The following AIDA variants were observed in gnomAD, a reference collection of about 807,000 sequenced individuals.
AIDA encodes axin interactor, dorsalization-associated protein.
AIDA carries 18 observed loss-of-function variants against 42.7 expected under a neutral mutation model. That is an observed-to-expected ratio of 0.42 (90% CI 0.29 to 0.63). The LOEUF (loss-of-function observed/expected upper bound fraction) is 0.63. Ranked by LOEUF, AIDA falls within the 20% of genes least tolerant of loss-of-function variation. The probability of loss-of-function intolerance (pLI) is 0.19; values close to 1 mark genes in which losing one functional copy is unlikely to be tolerated. For synonymous variants in AIDA, 104 were observed against 122.9 expected (o/e 0.85, Z 1.02); for missense variants, 250 against 354.1 (o/e 0.71, Z 2.36).
chr1:222,670,287 G>A (rs1271874714), intron 8 of AIDA, 37 bp from the exon 9 acceptor site: 1 of 1,517,154 alleles, frequency 6.6e-7, no homozygotes, highest in East Asian at 2.3e-5. Flanking sequence ...ACCACAGATA[G>A]CACATTTCTT....
chr1:222,687,280 A>C (rs1184621910), intron 5 of AIDA, among the ~76,000 whole-genome samples: 1 of 152,036 alleles, frequency 6.6e-6, no homozygotes, highest in Non-Finnish European at 1.5e-5. Flanking sequence ...AATACAAAAA[A>C]ATTAGCTGGG....
In AIDA at chr1:222,703,361, C is replaced by A. The variant is rs553614673; in HGVS notation, c.111-144G>T. The A allele has an allele frequency of 1.1e-4, 55 of 479,176 alleles. 1 individual carries two copies. The South Asian group carries it at 1.9e-3, about 16-fold the overall frequency. 29.7% of individuals were successfully genotyped at this position (479,176 alleles called of 1,614,324 possible). A position where few individuals can be genotyped will look rare whatever the true frequency, so the allele number is the denominator to read the frequency against. On this transcript the variant is annotated intron_variant, in intron 1 of 9. Transcript: ENST00000340020. ...AATCTACATTGAGAACCAAATTCTT[C>A]TCAAAAAAAAAAAAACTCTTTATAC...
At chr1:222,700,480 G>A (rs913448332) in intron 2 of AIDA, among the ~76,000 whole-genome samples, 5 of 152,084 alleles carry the variant, frequency 3.3e-5, no homozygotes, top group African/African-American at 9.7e-5. Context: ...GGGTCGGGCC[G>A]GGCGCGGTGG....
At position 222,687,032 on chromosome 1, in the gene AIDA, T is replaced by C. The variant is rs767389251; in HGVS notation, c.358A>G (p.Ile120Val). The C allele has an allele frequency of 1.8e-5, 29 of 1,612,984 alleles. No individual in the cohort carries two copies. The South Asian group carries it at 3.1e-4, about 17-fold the overall frequency. The change falls in exon 6 of 10, where the codon ATT (isoleucine) becomes GTT (valine). Residue 120 changes from isoleucine to valine, a missense_variant. Transcript: ENST00000340020. ...FDVQPVPLRR[I>V]LAPGEEENLE... The stretch of plus-strand genomic sequence containing the variant: ...TTCTCTTCTTCACCAGGTGCCAAAA[T>C]TCTTCTACACAAAAAAAGGGCAGAA...
intron 1 of AIDA, among the ~76,000 whole-genome samples, chr1:222,708,327 T>C (rs2124971616): frequency 6.7e-6 from 1 of 149,836 alleles, no homozygotes; most frequent in African/African-American, 2.5e-5. Context: ...AAATGACAAG[T>C]GGCCATTATC....
At chr1:222,689,526 CAT>C (rs1447031258) in intron 4 of AIDA, among the ~76,000 whole-genome samples, 1,150 of 73,866 alleles carry the variant, frequency 0.016, 51 homozygotes, top group African/African-American at 0.049. Context: ...TATATACACA[CAT>C]ACACACACAC....
At chr1:222,698,448 ATT>A (rs36041357) in intron 2 of AIDA, among the ~76,000 whole-genome samples, 110 of 127,340 alleles carry the variant, frequency 8.6e-4, no homozygotes, top group East Asian at 4.6e-3. Context: ...TTATTCATCA[ATT>A]TTTTTTTTTT....
intron 6 of AIDA, among the ~76,000 whole-genome samples, chr1:222,686,016 C>T (rs1655167235): frequency 2.0e-5 from 3 of 152,082 alleles, no homozygotes; most frequent in African/African-American, 7.2e-5. Context: ...AAAAATTAGC[C>T]GGGTGTGGTG....
chr1:222,707,603 G>T (rs1357582819), intron 1 of AIDA, among the ~76,000 whole-genome samples: 2 of 152,138 alleles, frequency 1.3e-5, no homozygotes, highest in African/African-American at 4.8e-5. Flanking sequence ...AATAAATGTT[G>T]ACATTCTATT....
chr1:222,711,950 AAAG>A, intron 1 of AIDA: 1 of 457,914 alleles, frequency 2.2e-6, no homozygotes, highest in Non-Finnish European at 3.9e-6. Flanking sequence ...GCGCCCCAGG[AAAG>A]AAGGGCTACC....
intron 6 of AIDA, among the ~76,000 whole-genome samples, chr1:222,684,960 C>T (rs767132422): frequency 6.6e-6 from 1 of 152,068 alleles, no homozygotes; most frequent in African/African-American, 2.4e-5. Context: ...TGGTTTGAAA[C>T]GGCAATAAAA....
At position 222,669,854 on chromosome 1, in the gene AIDA, G is replaced by A; in HGVS notation, c.*39C>T. 1.3e-6 allele frequency: 2 copies of A among 1,580,218 alleles called. No homozygotes were observed. Among genetic ancestry groups the A allele is most frequent in the Non-Finnish European group, 1.7e-6 (2 of 1,156,238 alleles). Reference sequence around the variant, plus strand: ...AGAGCTATGATGGTTTCTACTGAGTGGTAAAATTCACAGAAGTTCCAGGTT... The same window carrying A: ...AGAGCTATGATGGTTTCTACTGAGTAGTAAAATTCACAGAAGTTCCAGGTT... On this transcript the variant is annotated 3_prime_UTR_variant, in exon 10 of 10. Transcript: ENST00000340020.
intron 2 of AIDA, among the ~76,000 whole-genome samples, chr1:222,697,401 T>C (rs1655552357): frequency 8.5e-6 from 1 of 117,364 alleles, no homozygotes; most frequent in African/African-American, 2.6e-5. Context: ...ATTTAGAATG[T>C]ATTGATATCA....
intron 8 of AIDA, 78 bp downstream of exon 8, chr1:222,673,235 A>G: frequency 7.5e-7 from 1 of 1,336,360 alleles, no homozygotes. Context: ...TAACTATGCT[A>G]GGTCCACCAT....
intron 1 of AIDA, chr1:222,711,905 T>G: frequency 2.5e-5 from 7 of 277,740 alleles, no homozygotes; most frequent in South Asian, 1.5e-4. Flanking sequence ...CGCGAGACGG[T>G]GGAAAGGAAC....
At chr1:222,696,140 CT>C (rs924725250) in intron 2 of AIDA, among the ~76,000 whole-genome samples, 13 of 152,178 alleles carry the variant, frequency 8.5e-5, no homozygotes, top group Non-Finnish European at 1.6e-4. Context: ...ATTCTGAAAA[CT>C]TACATTTAAA....
At chr1:222,700,319 C>T (rs1655654304) in intron 2 of AIDA, among the ~76,000 whole-genome samples, 2 of 152,160 alleles carry the variant, frequency 1.3e-5, no homozygotes, top group African/African-American at 2.4e-5. Context: ...CTCTGAAGAT[C>T]ATTTAGAGTT....
At chr1:222,701,489 C>T (rs1462836461) in intron 2 of AIDA, among the ~76,000 whole-genome samples, 2 of 152,110 alleles carry the variant, frequency 1.3e-5, no homozygotes, top group Non-Finnish European at 2.9e-5. Context: ...ATGTGGCTAT[C>T]TGTGATTCTG....
chr1:222,670,374 T>G, intron 8 of AIDA, 124 bp from the exon 9 acceptor site: 1 of 735,244 alleles, frequency 1.4e-6, no homozygotes, highest in Non-Finnish European at 2.3e-6. Flanking sequence ...AAACAACTTG[T>G]GCCAGTCTCA....
Sources: gnomAD v4.1 joint callset for allele counts (sites outside exome capture counted in the v4.1 genomes callset) on GRCh38, gnomAD v4.1.1 for gene constraint, MANE v1.5 for transcripts, NCBI Gene and HGNC (gene_info 2026-07-23, HGNC 2026-07-21) for gene names.